The following TBC1D30 variants were observed in gnomAD, a reference collection of about 807,000 sequenced individuals.
TBC1D30 encodes TBC1 domain family member 30, also known as TBC1 domain family, member 30.
TBC1D30 carries 31 observed loss-of-function variants against 63.2 expected under a neutral mutation model. The observed-to-expected ratio is 0.49, with a 90% CI of 0.37 to 0.66. The LOEUF is 0.66. Among genes scored for constraint, TBC1D30 ranks in the 30% least tolerant of loss-of-function variants. The pLI, the probability that TBC1D30 is intolerant of heterozygous loss-of-function variation, is 0.00. For missense variants in TBC1D30, 810 were observed against 953.6 expected, an observed-to-expected ratio of 0.85 and a Z score of 1.98; for synonymous variants, 307 against 361.5, an observed-to-expected ratio of 0.85 and a Z score of 1.71.
chr12:64,809,559 G>A (rs906921164), intron 2 of TBC1D30, among the ~76,000 whole-genome samples: 1 of 152,218 alleles, frequency 6.6e-6, no homozygotes, highest in Non-Finnish European at 1.5e-5. Flanking sequence ...AAACATGCAT[G>A]TGCAAGTGTC....
intron 1 of TBC1D30, among the ~76,000 whole-genome samples, chr12:64,767,342 C>T (rs556321361): frequency 6.6e-6 from 1 of 151,890 alleles, no homozygotes; most frequent in East Asian, 1.9e-4. Flanking sequence ...CAGTCTGGCC[C>T]CTGCAGAAAG....
Position 64,875,233 on chromosome 12 carries a change from A to G in TBC1D30, c.1731A>G (p.Pro577=). Residue 577 remains proline (P), a synonymous_variant, in exon 12 of 12, where the codon CCA becomes CCG. Transcript: ENST00000539867. Reference sequence around the variant, plus strand: ...TCCGAGTCCACAAAAAGAACATGCCAAGGACCAAGAGTCATCCGGGCTGTG... The same window carrying G: ...TCCGAGTCCACAAAAAGAACATGCCGAGGACCAAGAGTCATCCGGGCTGTG... ...THIRVHKKNM[P]RTKSHPGCGD... is the part of the protein sequence containing the mutation. 6.5e-7 allele frequency: 1 copy of G among 1,536,364 alleles called. No homozygotes were observed. The highest frequency in any genetic ancestry group is 8.7e-7 in the Non-Finnish European group (1 of 1,146,922).
intron 2 of TBC1D30, among the ~76,000 whole-genome samples, chr12:64,806,437 T>C (rs1391526693): frequency 6.6e-6 from 1 of 152,162 alleles, no homozygotes; most frequent in African/African-American, 2.4e-5. Flanking sequence ...GATGAGGAGA[T>C]TGAAGGCTCA....
At chr12:64,846,040 T>C (rs1876349363) in intron 8 of TBC1D30, among the ~76,000 whole-genome samples, 1 of 151,972 alleles carries the variant, frequency 6.6e-6, no homozygotes, top group Admixed American at 6.6e-5. Flanking sequence ...CTTTTGCCCA[T>C]TTTTAATCGA....
rs913990391 is a variant in TBC1D30 at position 64,781,286 on chromosome 12, G to A, written c.478G>A (p.Asp160Asn). 29 of 1,130,662 alleles carry A rather than the reference G, an allele frequency of 2.6e-5. No homozygotes were observed. The East Asian group carries it at 4.1e-4, about 16-fold the overall frequency. The allele number at this position is 1,130,662 out of a possible 1,614,324, so 70.0% of individuals were successfully genotyped here. The stretch of plus-strand genomic sequence containing the variant: ...TCAGATGCTGTACCTGCGGCAGAAA[G>A]GTGAGGGCCGGGCGCAGCAGGGTCC... The change falls in exon 1 of 13, where the codon GAC becomes AAC. Residue 160 changes from aspartate to asparagine, a missense_variant and splice_region_variant. By Grantham distance (23) the Asp-to-Asn change is conservative. Coordinates refer to the TBC1D30 transcript ENST00000542120.
chr12:64,851,164 CTTCT>C (rs1158202806), intron 8 of TBC1D30, among the ~76,000 whole-genome samples: 2 of 151,956 alleles, frequency 1.3e-5, no homozygotes, highest in African/African-American at 2.4e-5. Context: ...TCTCTCTTTT[CTTCT>C]TTATTAGTCT....
intron 8 of TBC1D30, among the ~76,000 whole-genome samples, chr12:64,861,732 G>A (rs1022368731): frequency 6.6e-5 from 10 of 152,092 alleles, no homozygotes; most frequent in Non-Finnish European, 1.5e-4. Flanking sequence ...TTCCTTGAGG[G>A]CAGTGTAGAG....
chr12:64,876,813 TCTCA>T lies in TBC1D30; in HGVS notation c.*1029_*1032del, dbSNP rs1879119338. The T allele has an allele frequency of 2.2e-6, 1 of 456,002 alleles. No homozygotes were observed. The highest frequency in any genetic ancestry group is 4.4e-6 in the Non-Finnish European group (1 of 226,814). 28.2% of individuals were successfully genotyped at this position (456,002 alleles called of 1,614,324 possible). A position where few individuals can be genotyped will look rare whatever the true frequency, so the allele number is the denominator to read the frequency against. On this transcript the variant is annotated 3_prime_UTR_variant, in exon 12 of 12. Transcript: ENST00000539867. Reference sequence around the variant, plus strand: ...AAGGCCCCAGTGCTTTCTAGCTCCCTCTCACTCCTGCCCTTTCTAGCTCTCTCTC... The same window carrying T: ...AAGGCCCCAGTGCTTTCTAGCTCCCTCTCCTGCCCTTTCTAGCTCTCTCTC...
chr12:64,833,633 T>C (rs1267941273), intron 5 of TBC1D30, among the ~76,000 whole-genome samples: 1 of 152,204 alleles, frequency 6.6e-6, no homozygotes, highest in African/African-American at 2.4e-5. Flanking sequence ...CAAATGTTCC[T>C]CTTGGTTTTA....
chr12:64,799,093 C>G (rs1205219783), intron 2 of TBC1D30, among the ~76,000 whole-genome samples: 1 of 151,746 alleles, frequency 6.6e-6, no homozygotes, highest in Non-Finnish European at 1.5e-5. Context: ...GATCAGGCAC[C>G]TTTCTTAAGA....
chr12:64,763,910 G>A (rs557776410), intron 1 of TBC1D30, among the ~76,000 whole-genome samples: 5 of 152,298 alleles, frequency 3.3e-5, no homozygotes, highest in East Asian at 3.9e-4. Flanking sequence ...GATTACAGGC[G>A]TGAGCCACCA....
At chr12:64,854,105 C>A (rs1201699497) in intron 8 of TBC1D30, among the ~76,000 whole-genome samples, 1 of 152,090 alleles carries the variant, frequency 6.6e-6, no homozygotes, top group African/African-American at 2.4e-5. Flanking sequence ...TAAAGCCTTA[C>A]CCCTGCCATT....
intron 8 of TBC1D30, among the ~76,000 whole-genome samples, chr12:64,847,799 A>G (rs894309210): frequency 2.6e-5 from 4 of 152,158 alleles, no homozygotes; most frequent in African/African-American, 4.8e-5. Flanking sequence ...GTGACCTAAC[A>G]TATGATCTAT....
chr12:64,797,483 T>C (rs1872348694), intron 2 of TBC1D30, among the ~76,000 whole-genome samples: 3 of 152,194 alleles, frequency 2.0e-5, no homozygotes. Flanking sequence ...CTGATTAAAC[T>C]CAAGTCTCTG....
At chr12:64,778,761 T>C (rs986416842), upstream of TBC1D30, among the ~76,000 whole-genome samples, 4 of 152,006 alleles carry the variant, frequency 2.6e-5, no homozygotes, top group Non-Finnish European at 5.9e-5. Context: ...CTTGACTTCA[T>C]GATCCGTCCA....
At chr12:64,862,661 C>G (rs902466542) in intron 8 of TBC1D30, among the ~76,000 whole-genome samples, 6 of 152,198 alleles carry the variant, frequency 3.9e-5, no homozygotes, top group African/African-American at 1.4e-4. Context: ...ATTAGCTCAT[C>G]ATCCTACTTA....
intron 2 of TBC1D30, among the ~76,000 whole-genome samples, chr12:64,786,528 C>T (rs1335822028): frequency 1.3e-5 from 2 of 152,064 alleles, no homozygotes; most frequent in African/African-American, 4.8e-5. Context: ...GACGAGGTTT[C>T]ACCTTGCTGG....
At position 64,824,715 on chromosome 12, in the gene TBC1D30, G is replaced by C. The variant is rs933242835; in HGVS notation, c.-165G>C. 6.2e-6 allele frequency: 6 copies of C among 963,652 alleles called. No individual in the cohort carries two copies. Among genetic ancestry groups the C allele is most frequent in the Non-Finnish European group, 8.7e-6 (6 of 686,634 alleles). The allele number at this position is 963,652 out of a possible 1,614,324, so 59.7% of individuals were successfully genotyped here. A position where few individuals can be genotyped will look rare whatever the true frequency, so the allele number is the denominator to read the frequency against. ...CGCTCGGCGGCTCCCGCGGTGCCCC[G>C]TAAGTCCCCGTGACCCTCCAGCACC... is the stretch of plus-strand genomic sequence containing the variant. On this transcript the variant is annotated 5_prime_UTR_variant, in exon 1 of 12. Transcript: ENST00000539867.
At chr12:64,822,298 A>G (rs970392766), upstream of TBC1D30, among the ~76,000 whole-genome samples, 6 of 151,354 alleles carry the variant, frequency 4.0e-5, no homozygotes, top group African/African-American at 1.5e-4. Flanking sequence ...CTCCTGCCTC[A>G]GCCTCTCAAG....
Sources: gnomAD v4.1 joint callset for allele counts (sites outside exome capture counted in the v4.1 genomes callset) on GRCh38, gnomAD v4.1.1 for gene constraint, MANE v1.5 for transcripts, NCBI Gene and HGNC (gene_info 2026-07-23, HGNC 2026-07-21) for gene names.